NFU1: variants seen among roughly 807,000 people sequenced by gnomAD.
NFU1 encodes the protein NFU1 iron-sulfur cluster scaffold.
In NFU1, 30 loss-of-function variants were observed where a neutral mutation model predicts 32.2. The observed-to-expected ratio is 0.93, with a 90% CI of 0.70 to 1.26. NFU1 has a LOEUF of 1.26. NFU1 is among the 50% of genes most tolerant of loss of function. The pLI, the probability that NFU1 is intolerant of heterozygous loss-of-function variation, is 0.00. For synonymous variants in NFU1, 112 were observed against 104.6 expected, an observed-to-expected ratio of 1.07 and a Z score of -0.43; for missense variants, 306 against 306.6, an observed-to-expected ratio of 1.00 and a Z score of 0.02.
In NFU1 at chr2:69,437,418, G is replaced by A; in HGVS notation, c.5C>T (p.Ala2Val). M[A>V]ATARRGWGAA... is the part of the protein sequence containing the mutation. ...TCCCCAGCCCCGCCTGGCCGTCGCC[G>A]CCATCTTAGTCCGGAGTGCCTAAGG... The change falls in exon 1 of 8, where the codon GCG becomes GTG. Residue 2 changes from alanine to valine, a missense_variant. Physicochemically the swap from Ala to Val is moderately conservative, Grantham distance 64 (BLOSUM62 0). Transcript: ENST00000410022. The A allele has an allele frequency of 1.2e-6, 2 of 1,610,442 alleles. No homozygotes were observed. The highest frequency in any genetic ancestry group is 2.2e-5 in the East Asian group (1 of 44,854).
In NFU1 at chr2:69,400,669, GAAT is replaced by G. The variant is rs1305545114; in HGVS notation, c.546-134_546-132del. On this transcript the variant is annotated intron_variant, in intron 6 of 7. Transcript: ENST00000410022. ...AAGTTAGAGCTACTTTTATAATACA[GAAT>G]AATAACTGTGGCTAAGTTTTATTTA... is the stretch of plus-strand genomic sequence containing the variant. 6.9e-6 allele frequency: 5 copies of G among 729,418 alleles called. No individual in the cohort carries two copies. In the Admixed American group the frequency reaches 1.5e-4, roughly 21 times the overall value. 45.2% of individuals were successfully genotyped at this position (729,418 alleles called of 1,614,324 possible). A position where few individuals can be genotyped will look rare whatever the true frequency, so the allele number is the denominator to read the frequency against.
At chr2:69,427,666 T>TGACAC (rs1488383263) in intron 2 of NFU1, among the ~76,000 whole-genome samples, 2 of 96,400 alleles carry the variant, frequency 2.1e-5, no homozygotes, top group African/African-American at 8.8e-5. Flanking sequence ...GGTGACAGAG[T>TGACAC]GACACTCAGT....
chr2:69,397,682 G>C (rs1473622630), intron 7 of NFU1, among the ~76,000 whole-genome samples: 1 of 151,996 alleles, frequency 6.6e-6, no homozygotes, highest in Non-Finnish European at 1.5e-5. Context: ...GGAGGCTGAG[G>C]CAGGTGGATC....
intron 2 of NFU1, chr2:69,430,126 A>C (rs1395989355): frequency 5.3e-6 from 1 of 188,670 alleles, no homozygotes; most frequent in Non-Finnish European, 1.2e-5. Context: ...TTCAAAAATG[A>C]CTCCCAGGTC....
intron 5 of NFU1, among the ~76,000 whole-genome samples, chr2:69,409,000 T>G (rs908397955): frequency 6.7e-6 from 1 of 150,258 alleles, no homozygotes; most frequent in South Asian, 2.1e-4. Flanking sequence ...CCACCACACC[T>G]GGCTAATTTT....
rs1296228483 is a variant in NFU1 at position 69,400,474 on chromosome 2, G to A, written c.610C>T (p.Leu204=). Reference sequence around the variant, plus strand: ...CTGGTACAAGAACCCTGGAGTTTCAGCTGTACAATGCCATCTTCAAAGCCT... The same window carrying A: ...CTGGTACAAGAACCCTGGAGTTTCAACTGTACAATGCCATCTTCAAAGCCT... The part of the protein sequence containing the change: ...YKGFEDGIVQ[L]KLQGSCTSCP... The change falls in exon 7 of 8, where the codon CTG becomes TTG. Residue 204 remains leucine, a synonymous_variant. Transcript: ENST00000410022. 1.9e-6 allele frequency: 3 copies of A among 1,613,926 alleles called. No individual in the cohort carries two copies. In the African/African-American group the frequency reaches 4.0e-5, roughly 22 times the overall value.
rs376852048 is a variant in NFU1, at chr2:69,424,318, T to G, written c.167-601A>C. On this transcript the variant is annotated intron_variant, in intron 2 of 7. Transcript: ENST00000410022. ...TTTTTGTTTTTTTTGAGACAAGGTC[T>G]TGCTCTGTTGCCCAGGCTGGAGTGC... 7.3e-5 allele frequency among the ~76,000 whole-genome samples: 11 copies of G among 151,522 alleles called. No individual in the cohort carries two copies. The East Asian group carries it at 2.1e-3, about 29-fold the overall frequency.
chr2:69,410,263 C>T (rs181017999), intron 5 of NFU1, among the ~76,000 whole-genome samples: 18 of 152,182 alleles, frequency 1.2e-4, no homozygotes, highest in Admixed American at 1.2e-3. Context: ...GTGTTTGGCG[C>T]CTGTAATCCC....
intron 4 of NFU1, among the ~76,000 whole-genome samples, chr2:69,418,601 G>C (rs1419768713): frequency 6.6e-6 from 1 of 152,066 alleles, no homozygotes; most frequent in African/African-American, 2.4e-5. Context: ...TGAGTAGCTG[G>C]GGCTACAGGC....
At chr2:69,401,953 G>A (rs1672535960) in intron 6 of NFU1, among the ~76,000 whole-genome samples, 1 of 151,818 alleles carries the variant, frequency 6.6e-6, no homozygotes, top group Admixed American at 6.6e-5. Context: ...GAGTGCAATG[G>A]CACGATCTCA....
chr2:69,419,572 A>G lies in NFU1; in HGVS notation c.335T>C (p.Val112Ala), dbSNP rs1420825937. ...QLFRIEGVKS[V>A]FFGPDFITVT... The stretch of plus-strand genomic sequence containing the variant: ...AGTGATGAAATCTGGTCCAAAGAAG[A>G]CACTTTTTACTCCTTCAATCCTAAA... Residue 112 changes from valine to alanine, a missense_variant, in exon 4 of 8, where the codon GTC becomes GCC. Coordinates refer to ENST00000410022, the MANE Select transcript of NFU1 (RefSeq NM_001002755.4). 1 of 1,592,224 alleles carries G rather than the reference A, an allele frequency of 6.3e-7. No homozygotes were observed. The highest frequency in any genetic ancestry group is 1.3e-5 in the African/African-American group (1 of 74,684).
At chr2:69,420,398 G>A (rs1463738433) in intron 3 of NFU1, among the ~76,000 whole-genome samples, 1 of 152,136 alleles carries the variant, frequency 6.6e-6, no homozygotes, top group East Asian at 1.9e-4. Context: ...ATTAATTGGG[G>A]CTTTTTTACT....
At position 69,406,095 on chromosome 2, in the gene NFU1, A is replaced by C. The variant is rs747269834; in HGVS notation, c.485-13T>G. On this transcript the variant is annotated splice_polypyrimidine_tract_variant and intron_variant, in intron 5 of 7. Transcript: ENST00000410022. Reference sequence around the variant, plus strand: ...TCTTCTTCAGATCCTAGAAATAATTACATATAAAAACATCAAGAGTAGAAA... The same window carrying C: ...TCTTCTTCAGATCCTAGAAATAATTCCATATAAAAACATCAAGAGTAGAAA... 1 of 1,503,146 alleles carries C rather than the reference A, an allele frequency of 6.7e-7. No individual in the cohort carries two copies. 93.1% of individuals were successfully genotyped at this position (1,503,146 alleles called of 1,614,324 possible).
At chr2:69,434,638 C>G (rs1212741392) in intron 1 of NFU1, among the ~76,000 whole-genome samples, 1 of 152,192 alleles carries the variant, frequency 6.6e-6, no homozygotes, top group Non-Finnish European at 1.5e-5. Flanking sequence ...TCATCGCTAT[C>G]CATTACCACT....
rs1327128873 is a variant in NFU1 at position 69,419,690 on chromosome 2, A to G, written c.303-86T>C. The G allele has an allele frequency of 6.4e-6, 5 of 780,276 alleles. No individual in the cohort carries two copies. In the African/African-American group the frequency reaches 7.0e-5, roughly 11 times the overall value. 48.3% of individuals were successfully genotyped at this position (780,276 alleles called of 1,614,324 possible). On this transcript the variant is annotated intron_variant, in intron 3 of 7. Coordinates refer to ENST00000410022, the MANE Select transcript of NFU1 (RefSeq NM_001002755.4). ...ACACAAAAGTAGAGAAAAGTAAAAA[A>G]TTCTCCACATATCCTTTGCAGCTTT... is the stretch of plus-strand genomic sequence containing the variant.
intron 5 of NFU1, among the ~76,000 whole-genome samples, chr2:69,411,932 A>C (rs2104763177): frequency 6.6e-6 from 1 of 152,300 alleles, no homozygotes; most frequent in South Asian, 2.1e-4. Context: ...AAATATAAAA[A>C]AGACATATGG....
chr2:69,433,013 G>C (rs992098635), intron 1 of NFU1, among the ~76,000 whole-genome samples: 2 of 151,538 alleles, frequency 1.3e-5, no homozygotes, highest in Non-Finnish European at 2.9e-5. Context: ...AGCTGGGAGT[G>C]GTGGTGGGCG....
intron 3 of NFU1, among the ~76,000 whole-genome samples, chr2:69,423,367 A>G (rs1673330745): frequency 6.6e-6 from 1 of 150,382 alleles, no homozygotes; most frequent in Admixed American, 6.7e-5. Context: ...CAATCCTCCC[A>G]CTTCAGCCTT....
chr2:69,434,696 A>T (rs1673769641), intron 1 of NFU1, among the ~76,000 whole-genome samples: 1 of 152,214 alleles, frequency 6.6e-6, no homozygotes, highest in South Asian at 2.1e-4. Context: ...GGAGTCATTT[A>T]TAATTGCCAA....
Sources: allele counts gnomAD v4.1 joint callset (sites outside exome capture counted in the v4.1 genomes callset), GRCh38; gene constraint gnomAD v4.1.1; transcripts MANE v1.5; gene names NCBI Gene and HGNC (gene_info 2026-07-23, HGNC 2026-07-21).